AKAP6: variants seen among roughly 807,000 people sequenced by gnomAD.
The protein encoded by AKAP6 is A-kinase anchoring protein 6.
Under a neutral mutation model 188.5 loss-of-function variants are expected in AKAP6, and 58 were observed. The ratio of observed to expected loss-of-function variants is 0.31; its 90% CI spans 0.25 to 0.38. AKAP6 has a LOEUF of 0.38. Ranked by LOEUF, AKAP6 falls within the 10% of genes least tolerant of loss-of-function variation. The pLI is 1.00. For missense variants in AKAP6, 2,710 were observed against 2,740.0 expected, an observed-to-expected ratio of 0.99 and a Z score of 0.24; for synonymous variants, 989 against 998.6, an observed-to-expected ratio of 0.99 and a Z score of 0.18.
chr14:32,709,671 G>A (rs2139746008), intron 9 of AKAP6, among the ~76,000 whole-genome samples: 1 of 152,110 alleles, frequency 6.6e-6, no homozygotes, highest in Middle Eastern at 3.4e-3. Context: ...TCTTTCCAGA[G>A]GGAATTCCAC....
intron 11 of AKAP6, among the ~76,000 whole-genome samples, chr14:32,759,607 TTC>T (rs1320251948): frequency 6.6e-6 from 1 of 152,094 alleles, no homozygotes; most frequent in Non-Finnish European, 1.5e-5. Context: ...TGGCTCACAG[TTC>T]TGCAGGCTTC....
At chr14:32,422,616 C>G (rs1889888397) in intron 1 of AKAP6, among the ~76,000 whole-genome samples, 1 of 152,306 alleles carries the variant, frequency 6.6e-6, no homozygotes, top group South Asian at 2.1e-4. Flanking sequence ...GATTGAATCA[C>G]CACCCACATG....
chr14:32,548,754 A>G (rs1485020284), intron 4 of AKAP6, among the ~76,000 whole-genome samples: 1 of 152,188 alleles, frequency 6.6e-6, no homozygotes, highest in Non-Finnish European at 1.5e-5. Flanking sequence ...TTTCTTCTAT[A>G]GTATCATGTT....
chr14:32,742,215 C>T (rs2031711247), intron 11 of AKAP6, among the ~76,000 whole-genome samples: 1 of 151,786 alleles, frequency 6.6e-6, no homozygotes, highest in South Asian at 2.1e-4. Context: ...GTATCACTTA[C>T]AATGTTTCTT....
chr14:32,363,760 C>T (rs763484050), intron 1 of AKAP6, among the ~76,000 whole-genome samples: 64 of 152,204 alleles, frequency 4.2e-4, no homozygotes, highest in Non-Finnish European at 5.1e-4. Context: ...AAATGTTAAT[C>T]TCCTTTGGCA....
intron 1 of AKAP6, among the ~76,000 whole-genome samples, chr14:32,332,928 G>T (rs933816020): frequency 1.3e-5 from 2 of 152,096 alleles, no homozygotes; most frequent in African/African-American, 4.8e-5. Flanking sequence ...GTATCATCTT[G>T]CTCATCCCCA....
intron 7 of AKAP6, among the ~76,000 whole-genome samples, chr14:32,662,765 T>A (rs1315230990): frequency 6.6e-6 from 1 of 152,168 alleles, no homozygotes; most frequent in Non-Finnish European, 1.5e-5. Flanking sequence ...AATGTTCTGT[T>A]TTCCGTCAGA....
chr14:32,357,693 A>C (rs1447921752), intron 1 of AKAP6, among the ~76,000 whole-genome samples: 1 of 152,226 alleles, frequency 6.6e-6, no homozygotes, highest in Non-Finnish European at 1.5e-5. Context: ...CCTTTCTCGA[A>C]ACACCTTACA....
intron 4 of AKAP6, among the ~76,000 whole-genome samples, chr14:32,549,397 G>T (rs556330927): frequency 1.3e-5 from 2 of 152,204 alleles, no homozygotes; most frequent in African/African-American, 2.4e-5. Flanking sequence ...GAAAAGGAAG[G>T]TGGCGTTTCA....
chr14:32,470,244 T>C (rs1407752862), intron 2 of AKAP6, among the ~76,000 whole-genome samples: 1 of 152,150 alleles, frequency 6.6e-6, no homozygotes, highest in Non-Finnish European at 1.5e-5. Context: ...TGCAGGATTC[T>C]TGTCTCCCTG....
chr14:32,517,653 G>A (rs755253066), intron 2 of AKAP6, among the ~76,000 whole-genome samples: 11 of 152,336 alleles, frequency 7.2e-5, no homozygotes, highest in South Asian at 2.1e-4. Context: ...GGGGAGGGGC[G>A]TCCACCATTG....
chr14:32,350,675 G>A (rs1350460771), intron 1 of AKAP6, among the ~76,000 whole-genome samples: 1 of 152,162 alleles, frequency 6.6e-6, no homozygotes, highest in Non-Finnish European at 1.5e-5. Flanking sequence ...AGGAAACAGG[G>A]TGAGAGGTAT....
intron 1 of AKAP6, among the ~76,000 whole-genome samples, chr14:32,376,893 C>T (rs1488776957): frequency 1.3e-5 from 2 of 152,134 alleles, no homozygotes; most frequent in Non-Finnish European, 2.9e-5. Flanking sequence ...GATGGGGTTT[C>T]GCCATGTTGG....
intron 5 of AKAP6, among the ~76,000 whole-genome samples, chr14:32,594,581 G>A (rs745878380): frequency 2.0e-5 from 3 of 152,166 alleles, no homozygotes; most frequent in African/African-American, 7.2e-5. Flanking sequence ...GAGAGGAGAA[G>A]AGAAACTACA....
At chr14:32,571,763 G>A (rs868665525) in intron 4 of AKAP6, among the ~76,000 whole-genome samples, 48 of 152,212 alleles carry the variant, frequency 3.2e-4, no homozygotes, top group African/African-American at 1.0e-3. Context: ...CAGGAGGGTG[G>A]CTCAACTGCC....
At chr14:32,458,805 CAGAG>C (rs1193594527) in intron 2 of AKAP6, among the ~76,000 whole-genome samples, 3 of 151,660 alleles carry the variant, frequency 2.0e-5, no homozygotes, top group Non-Finnish European at 2.9e-5. Flanking sequence ...AAGATTTTAA[CAGAG>C]AGGTAAAGTC....
intron 1 of AKAP6, among the ~76,000 whole-genome samples, chr14:32,417,392 A>G (rs1431119892): frequency 6.6e-6 from 1 of 152,230 alleles, no homozygotes; most frequent in Non-Finnish European, 1.5e-5. Flanking sequence ...ATATACATAT[A>G]GACTGAGAAT....
intron 4 of AKAP6, among the ~76,000 whole-genome samples, chr14:32,565,098 G>A (rs536493531): frequency 5.3e-5 from 8 of 152,044 alleles, no homozygotes. Flanking sequence ...TTCCCTTTAC[G>A]TACTGTTCCT....
chr14:32,749,819 C>G (rs1031729028), intron 11 of AKAP6, among the ~76,000 whole-genome samples: 16 of 152,116 alleles, frequency 1.1e-4, no homozygotes, highest in African/African-American at 3.9e-4. Flanking sequence ...ACCAGAAACC[C>G]TACAATCATA....
Sources: allele counts gnomAD v4.1 joint callset (sites outside exome capture counted in the v4.1 genomes callset), GRCh38; gene constraint gnomAD v4.1.1; transcripts MANE v1.5; gene names NCBI Gene and HGNC (gene_info 2026-07-23, HGNC 2026-07-21).